Variants in LRBA observed in about 807,000 individuals in gnomAD.
The protein encoded by LRBA is LPS responsive beige-like anchor protein.
In LRBA, 176 loss-of-function variants were observed where a neutral mutation model predicts 330.0. That is an observed-to-expected ratio of 0.53 (90% CI 0.47 to 0.60). The LOEUF is 0.60. Ranked by LOEUF, LRBA falls within the 20% of genes least tolerant of loss-of-function variation. The probability of loss-of-function intolerance (pLI) is 0.00; values close to 1 mark genes in which losing one functional copy is unlikely to be tolerated. For synonymous variants in LRBA, 1,230 were observed against 1,193.0 expected, an observed-to-expected ratio of 1.03 and a Z score of -0.64; for missense variants, 3,259 against 3,444.8, an observed-to-expected ratio of 0.95 and a Z score of 1.35.
At chr4:150,300,656 C>T (rs183775591) in intron 53 of LRBA, among the ~76,000 whole-genome samples, 1 of 151,932 alleles carries the variant, frequency 6.6e-6, no homozygotes, top group East Asian at 1.9e-4. Flanking sequence ...CTACTTAATT[C>T]GTTTTTTAAA....
intron 40 of LRBA, among the ~76,000 whole-genome samples, chr4:150,514,215 G>A (rs1049933395): frequency 3.3e-5 from 5 of 152,184 alleles, no homozygotes; most frequent in African/African-American, 1.2e-4. Flanking sequence ...TGGGATTACA[G>A]GCATGTGCCA....
intron 34 of LRBA, among the ~76,000 whole-genome samples, chr4:150,764,862 G>T (rs72738360): frequency 6.6e-6 from 1 of 152,016 alleles, no homozygotes; most frequent in African/African-American, 2.4e-5. Flanking sequence ...CAGTTTGATG[G>T]TTCCTAACAA....
At chr4:150,540,151 T>C (rs1253015925) in intron 40 of LRBA, among the ~76,000 whole-genome samples, 1 of 152,236 alleles carries the variant, frequency 6.6e-6, no homozygotes, top group Non-Finnish European at 1.5e-5. Flanking sequence ...CCATTATTTT[T>C]GCATTCTCGA....
intron 36 of LRBA, among the ~76,000 whole-genome samples, chr4:150,697,459 C>A (rs529471082): frequency 6.9e-6 from 1 of 145,430 alleles, no homozygotes; most frequent in Non-Finnish European, 1.5e-5. Context: ...ACTAAGAGAA[C>A]AAGCTCAAAT....
In LRBA at chr4:150,583,141, G is replaced by C; in HGVS notation, c.6330+4907C>G. The C allele has an allele frequency of 1.9e-6, 3 of 1,614,234 alleles. No homozygotes were observed. The highest frequency in any genetic ancestry group is 2.5e-6 in the Non-Finnish European group (3 of 1,180,042). ...AACCATCCGAGAGGTCTGTAAGGTGGTCTCGGACGTGCTCAAGGAAGTGGA... is the reference window on the plus strand; with the variant it reads ...AACCATCCGAGAGGTCTGTAAGGTGCTCTCGGACGTGCTCAAGGAAGTGGA... On this transcript the variant is annotated intron_variant, in intron 40 of 56. Coordinates refer to ENST00000651943, the MANE Select transcript of LRBA (RefSeq NM_001364905.1). This position sits in a 1 kb window ranked among gnomAD's most constrained non-coding sequence, Gnocchi z 9.8.
At chr4:150,522,962 T>G (rs369491323) in intron 40 of LRBA, among the ~76,000 whole-genome samples, 2 of 152,188 alleles carry the variant, frequency 1.3e-5, no homozygotes, top group African/African-American at 2.4e-5. Flanking sequence ...CAATGTCTAG[T>G]GGAGTTGTGG....
chr4:150,716,478 A>G (rs1728217895), intron 36 of LRBA, among the ~76,000 whole-genome samples: 2 of 152,236 alleles, frequency 1.3e-5, no homozygotes, highest in Non-Finnish European at 2.9e-5. Flanking sequence ...ATTTCAAATT[A>G]GTCAAAAACA....
intron 47 of LRBA, among the ~76,000 whole-genome samples, chr4:150,361,863 C>T (rs766849766): frequency 2.0e-5 from 3 of 151,930 alleles, no homozygotes; most frequent in Non-Finnish European, 4.4e-5. Flanking sequence ...CTCCGCCTCC[C>T]GGGTTCATGC....
chr4:150,907,143 AAG>A (rs1553995974), intron 11 of LRBA, among the ~76,000 whole-genome samples: 1 of 145,556 alleles, frequency 6.9e-6, no homozygotes, highest in Non-Finnish European at 1.5e-5. Context: ...AACAAAAAAA[AAG>A]AGAGAGAGAG....
intron 47 of LRBA, among the ~76,000 whole-genome samples, chr4:150,368,224 G>A (rs1739767703): frequency 6.6e-6 from 1 of 151,910 alleles, no homozygotes; most frequent in African/African-American, 2.4e-5. Context: ...TACCTTCGGA[G>A]AAAACTACTG....
At chr4:150,718,886 T>C (rs1170889801) in intron 36 of LRBA, among the ~76,000 whole-genome samples, 1 of 152,076 alleles carries the variant, frequency 6.6e-6, no homozygotes, top group Non-Finnish European at 1.5e-5. Flanking sequence ...TGAACCAAAT[T>C]CATAGATTAG....
At chr4:150,536,241 G>A (rs557029809) in intron 40 of LRBA, among the ~76,000 whole-genome samples, 1 of 152,208 alleles carries the variant, frequency 6.6e-6, no homozygotes, top group East Asian at 1.9e-4. Context: ...AAAGTTACAA[G>A]GGATATTTTT....
Position 150,580,631 on chromosome 4 carries a change from A to G in LRBA, c.6330+7417T>C, listed in dbSNP as rs541750198. On this transcript the variant is annotated intron_variant, in intron 40 of 56. Transcript: ENST00000651943. ...ATATAACCTCCCAAATCAAACTAAA[A>G]ATAATCACATCTACCTGAAATACGT... The G allele has an allele frequency of 2.0e-5, 3 of 152,304 alleles. No individual in the cohort carries two copies. In the Middle Eastern group the frequency reaches 0.01, roughly 518 times the overall value. The allele number at this position is 152,304 out of a possible 1,614,324, so 9.4% of individuals were successfully genotyped here. A position where few individuals can be genotyped will look rare whatever the true frequency, so the allele number is the denominator to read the frequency against.
chr4:150,961,548 A>T (rs1738147814), intron 2 of LRBA, among the ~76,000 whole-genome samples: 1 of 149,392 alleles, frequency 6.7e-6, no homozygotes, highest in African/African-American at 2.6e-5. Flanking sequence ...TACTATTTTT[A>T]AAAATACCAG....
At chr4:150,324,731 A>G (rs1733009422) in intron 49 of LRBA, among the ~76,000 whole-genome samples, 1 of 152,124 alleles carries the variant, frequency 6.6e-6, no homozygotes, top group African/African-American at 2.4e-5. Context: ...CACAACATGG[A>G]ATTTGACTTT....
chr4:150,318,788 A>G (rs370109214), intron 50 of LRBA, among the ~76,000 whole-genome samples: 26 of 152,256 alleles, frequency 1.7e-4, no homozygotes, highest in African/African-American at 6.3e-4. Flanking sequence ...GAAGACAAAC[A>G]TCTCTAATGA....
chr4:150,821,564 G>T (rs949218994), intron 30 of LRBA, among the ~76,000 whole-genome samples: 5 of 151,916 alleles, frequency 3.3e-5, no homozygotes, highest in African/African-American at 1.2e-4. Context: ...TAGCAACAAT[G>T]CCTTCCCGAT....
chr4:150,320,152 G>T (rs1732286783), intron 50 of LRBA, among the ~76,000 whole-genome samples: 1 of 152,126 alleles, frequency 6.6e-6, no homozygotes, highest in African/African-American at 2.4e-5. Flanking sequence ...TTACAGAGGG[G>T]TGGTCATAAA....
At chr4:150,950,153 G>C (rs1736676079) in intron 2 of LRBA, among the ~76,000 whole-genome samples, 1 of 152,024 alleles carries the variant, frequency 6.6e-6, no homozygotes, top group Admixed American at 6.6e-5. Flanking sequence ...ATTCTGTCAT[G>C]TTCTTTAATA....
Sources: allele counts gnomAD v4.1 joint callset (sites outside exome capture counted in the v4.1 genomes callset), GRCh38; gene constraint gnomAD v4.1.1; non-coding constraint Gnocchi (gnomAD v3.1); transcripts MANE v1.5; gene names NCBI Gene and HGNC (gene_info 2026-07-23, HGNC 2026-07-21).